SLX4IP: variants seen among roughly 807,000 people sequenced by gnomAD.
The protein encoded by SLX4IP is SLX4 interacting protein.
Under a neutral mutation model 32.9 loss-of-function variants are expected in SLX4IP, and 34 were observed. The ratio of observed to expected loss-of-function variants is 1.03; its 90% CI spans 0.79 to 1.38. The LOEUF (loss-of-function observed/expected upper bound fraction) is 1.38. SLX4IP is among the 40% of genes most tolerant of loss of function. The pLI, the probability that SLX4IP is intolerant of heterozygous loss-of-function variation, is 0.00. For synonymous variants in SLX4IP, 172 were observed against 171.7 expected, an observed-to-expected ratio of 1.00 and a Z score of -0.01; for missense variants, 444 against 479.0, an observed-to-expected ratio of 0.93 and a Z score of 0.68.
intron 1 of SLX4IP, among the ~76,000 whole-genome samples, chr20:10,440,390 G>T (rs1018677220): frequency 6.6e-6 from 1 of 151,968 alleles, no homozygotes; most frequent in Non-Finnish European, 1.5e-5. Context: ...ACGAGGCAGA[G>T]GTTGCAGTGA....
chr20:10,598,976 A>G (rs1468717744), intron 5 of SLX4IP, among the ~76,000 whole-genome samples: 3 of 152,190 alleles, frequency 2.0e-5, no homozygotes, highest in African/African-American at 4.8e-5. Flanking sequence ...TTCCTGATGC[A>G]TCTCAGCACT....
At chr20:10,582,392 T>C (rs1054730831) in intron 4 of SLX4IP, among the ~76,000 whole-genome samples, 2 of 152,234 alleles carry the variant, frequency 1.3e-5, no homozygotes, top group Non-Finnish European at 2.9e-5. Flanking sequence ...TTTTAAAACC[T>C]GCATTCTGTG....
At chr20:10,555,597 T>A (rs1050588127) in intron 2 of SLX4IP, among the ~76,000 whole-genome samples, 2 of 152,248 alleles carry the variant, frequency 1.3e-5, no homozygotes, top group Non-Finnish European at 2.9e-5. Flanking sequence ...TCCATTATTT[T>A]CTAAAGTGCT....
intron 4 of SLX4IP, among the ~76,000 whole-genome samples, chr20:10,577,782 G>A (rs1346883054): frequency 6.6e-6 from 1 of 152,164 alleles, no homozygotes; most frequent in Non-Finnish European, 1.5e-5. Context: ...TGACTGTAGG[G>A]CCAGGAAGCC....
At chr20:10,576,147 T>G (rs1376743365) in intron 4 of SLX4IP, among the ~76,000 whole-genome samples, 1 of 152,256 alleles carries the variant, frequency 6.6e-6, no homozygotes, top group Non-Finnish European at 1.5e-5. Flanking sequence ...TGTGAAGTTT[T>G]ATGGTTACTA....
At chr20:10,618,318 T>C (rs1458739873) in intron 6 of SLX4IP, among the ~76,000 whole-genome samples, 1 of 152,238 alleles carries the variant, frequency 6.6e-6, no homozygotes, top group East Asian at 1.9e-4. Flanking sequence ...TTGCCCTATT[T>C]CTGTTTGGTT....
intron 2 of SLX4IP, among the ~76,000 whole-genome samples, chr20:10,502,691 C>T (rs866663715): frequency 3.3e-5 from 5 of 151,804 alleles, no homozygotes; most frequent in Admixed American, 6.5e-5. Context: ...ACTGCCCCCT[C>T]CCCAAAATTT....
intron 6 of SLX4IP, chr20:10,613,502 T>C: frequency 6.2e-7 from 1 of 1,605,824 alleles, no homozygotes; most frequent in East Asian, 2.2e-5. Context: ...AGTACTTTGC[T>C]TCCATCTGAG....
rs975466149 is a variant in SLX4IP at position 10,627,407 on chromosome 20, T to C, written c.*4028T>C. On this transcript the variant is annotated 3_prime_UTR_variant, in exon 8 of 8. Transcript: ENST00000334534. ...CCTTAGTACAAAATAAATTAAGCAT[T>C]GTAAAACGAAGTTAATTCAGGTAAT... The C allele has an allele frequency of 4.6e-5, 7 of 152,218 alleles. No homozygotes were observed. The highest frequency in any genetic ancestry group is 8.8e-5 in the Non-Finnish European group (6 of 68,036). The allele number at this position is 152,218 out of a possible 1,614,324, so 9.4% of individuals were successfully genotyped here.
chr20:10,524,997 A>G (rs537780813), intron 2 of SLX4IP, among the ~76,000 whole-genome samples: 7 of 152,154 alleles, frequency 4.6e-5, no homozygotes, highest in East Asian at 1.9e-4. Context: ...CTCTGCACCT[A>G]TCCTCCCCTT....
At chr20:10,480,329 G>A (rs190779000) in intron 2 of SLX4IP, among the ~76,000 whole-genome samples, 87 of 152,196 alleles carry the variant, frequency 5.7e-4, no homozygotes, top group African/African-American at 1.8e-3. Flanking sequence ...GAGCCTGGGA[G>A]GTTGAGGCTG....
At chr20:10,561,638 A>AT (rs1474989141) in intron 4 of SLX4IP, among the ~76,000 whole-genome samples, 5 of 150,052 alleles carry the variant, frequency 3.3e-5, no homozygotes, top group African/African-American at 9.9e-5. Flanking sequence ...ACTAAACCTG[A>AT]TTTGTAGTCT....
chr20:10,437,620 A>G (rs2065126097), intron 1 of SLX4IP, among the ~76,000 whole-genome samples: 1 of 152,232 alleles, frequency 6.6e-6, no homozygotes, highest in Non-Finnish European at 1.5e-5. Flanking sequence ...GTGTCCTAAG[A>G]AAGTTGTCCA....
At chr20:10,550,988 A>G (rs974297489) in intron 2 of SLX4IP, among the ~76,000 whole-genome samples, 3 of 152,218 alleles carry the variant, frequency 2.0e-5, no homozygotes, top group South Asian at 2.1e-4. Flanking sequence ...CAGGTGTTTC[A>G]GATGATCAAT....
chr20:10,571,297 C>T (rs898587703), intron 4 of SLX4IP, among the ~76,000 whole-genome samples: 5 of 152,178 alleles, frequency 3.3e-5, no homozygotes, highest in Admixed American at 2.6e-4. Context: ...TCCAGCTAGA[C>T]CTGCAGTCGG....
chr20:10,623,256 A>G lies in SLX4IP; in HGVS notation c.1104A>G (p.Arg368=), dbSNP rs367818074. 6.2e-6 allele frequency: 10 copies of G among 1,614,130 alleles called. No homozygotes were observed. The highest frequency in any genetic ancestry group is 8.5e-6 in the Non-Finnish European group (10 of 1,180,054). The change falls in exon 8 of 8, where the codon AGA becomes AGG. Residue 368 remains arginine, a synonymous_variant. Transcript: ENST00000334534. Reference sequence around the variant, plus strand: ...ATGTTTTGGAAAGTCTCTCCTCCAGACATCTTATGAAAAATAACCCAGGGC... The same window carrying G: ...ATGTTTTGGAAAGTCTCTCCTCCAGGCATCTTATGAAAAATAACCCAGGGC... ...ELHVLESLSS[R]HLMKNNPGQA... is the part of the protein sequence containing the mutation.
intron 2 of SLX4IP, among the ~76,000 whole-genome samples, chr20:10,467,388 T>C (rs573738525): frequency 6.6e-6 from 1 of 152,348 alleles, no homozygotes; most frequent in Non-Finnish European, 1.5e-5. Context: ...GAAATAACTT[T>C]GGAGTGTGCA....
intron 3 of SLX4IP, among the ~76,000 whole-genome samples, chr20:10,558,542 A>AT (rs2122499576): frequency 6.6e-6 from 1 of 152,254 alleles, no homozygotes; most frequent in East Asian, 1.9e-4. Context: ...ATTCCATTTT[A>AT]ACAGTCATTT....
At chr20:10,472,164 C>A (rs2065429494) in intron 2 of SLX4IP, among the ~76,000 whole-genome samples, 1 of 150,828 alleles carries the variant, frequency 6.6e-6, no homozygotes, top group African/African-American at 2.4e-5. Context: ...GTTTTCTTAT[C>A]TATTAAATGA....
Sources: gnomAD v4.1 joint callset for allele counts (sites outside exome capture counted in the v4.1 genomes callset) on GRCh38, gnomAD v4.1.1 for gene constraint, MANE v1.5 for transcripts, NCBI Gene and HGNC (gene_info 2026-07-23, HGNC 2026-07-21) for gene names.